The following ZNF609 variants were observed in gnomAD, a reference collection of about 807,000 sequenced individuals.
ZNF609 encodes the protein zinc finger protein 609.
ZNF609 carries 11 observed loss-of-function variants against 109.5 expected under a neutral mutation model. The ratio of observed to expected loss-of-function variants is 0.10; its 90% CI spans 0.06 to 0.17. The LOEUF is 0.17. ZNF609 is among the 10% of genes least tolerant of loss of function. The probability of loss-of-function intolerance (pLI) is 1.00; values close to 1 mark genes in which losing one functional copy is unlikely to be tolerated. For synonymous variants in ZNF609, 646 were observed against 662.0 expected (o/e 0.98, Z 0.37); for missense variants, 1,559 against 1,772.4 (o/e 0.88, Z 2.16).
At chr15:64,573,443 C>T (rs1894896743) in intron 2 of ZNF609, among the ~76,000 whole-genome samples, 1 of 149,866 alleles carries the variant, frequency 6.7e-6, no homozygotes, top group Non-Finnish European at 1.5e-5. Flanking sequence ...CAAGCTCCGC[C>T]TGCCGGGTTC....
At chr15:64,601,949 A>C (rs1895504154) in intron 2 of ZNF609, among the ~76,000 whole-genome samples, 1 of 152,192 alleles carries the variant, frequency 6.6e-6, no homozygotes. Flanking sequence ...TCACTTAATA[A>C]CTAGGTAATT....
intron 2 of ZNF609, among the ~76,000 whole-genome samples, chr15:64,506,566 C>A (rs1476298702): frequency 3.3e-5 from 5 of 151,172 alleles, no homozygotes; most frequent in African/African-American, 9.7e-5. Flanking sequence ...ACTAAAAATA[C>A]AAAATTAGTC....
chr15:64,508,406 A>C (rs1228969068), intron 2 of ZNF609, among the ~76,000 whole-genome samples: 1 of 152,144 alleles, frequency 6.6e-6, no homozygotes, highest in African/African-American at 2.4e-5. Flanking sequence ...TAGTGGTGCC[A>C]TTGAAGCCTT....
intron 3 of ZNF609, among the ~76,000 whole-genome samples, chr15:64,642,381 C>A (rs1039296254): frequency 6.6e-6 from 1 of 151,966 alleles, no homozygotes; most frequent in Non-Finnish European, 1.5e-5. Flanking sequence ...GACTAGGTCT[C>A]GCTGTGTTGA....
intron 2 of ZNF609, among the ~76,000 whole-genome samples, chr15:64,592,330 A>T (rs1455565606): frequency 5.9e-5 from 9 of 152,216 alleles, no homozygotes; most frequent in Non-Finnish European, 8.8e-5. Context: ...TAATCCCAGC[A>T]CTTTGGGAGG....
chr15:64,583,159 A>C (rs1172290712), intron 2 of ZNF609, among the ~76,000 whole-genome samples: 2 of 151,392 alleles, frequency 1.3e-5, no homozygotes, highest in African/African-American at 4.9e-5. Context: ...CAGCCTCCAG[A>C]GTAGCTGGGA....
At chr15:64,665,630 C>T (rs1896635623) in intron 3 of ZNF609, among the ~76,000 whole-genome samples, 1 of 152,158 alleles carries the variant, frequency 6.6e-6, no homozygotes, top group Non-Finnish European at 1.5e-5. Context: ...AACAAATGGG[C>T]CGGGCCCGGT....
chr15:64,497,453 T>C (rs1207036756), intron 1 of ZNF609, among the ~76,000 whole-genome samples: 2 of 152,210 alleles, frequency 1.3e-5, no homozygotes, highest in Non-Finnish European at 2.9e-5. Context: ...ACCCTAGTTC[T>C]TTGACATTGC....
chr15:64,504,821 A>G (rs1048543991), intron 2 of ZNF609, among the ~76,000 whole-genome samples: 2 of 151,966 alleles, frequency 1.3e-5, no homozygotes, highest in South Asian at 2.1e-4. Flanking sequence ...TATGTTGCCA[A>G]TGCTGATCTT....
chr15:64,615,459 A>C (rs538554953), intron 2 of ZNF609, among the ~76,000 whole-genome samples: 1 of 151,414 alleles, frequency 6.6e-6, no homozygotes, highest in East Asian at 1.9e-4. Flanking sequence ...CGTCTTATCA[A>C]CATAATGTTT....
At chr15:64,557,166 ATGTAATTCTT>A (rs1429975328) in intron 2 of ZNF609, among the ~76,000 whole-genome samples, 6 of 146,534 alleles carry the variant, frequency 4.1e-5, no homozygotes, top group African/African-American at 1.5e-4. Context: ...CAAACCTGAA[ATGTAATTCTT>A]TTTTCTTATT....
At chr15:64,575,561 T>C (rs1894937451) in intron 2 of ZNF609, among the ~76,000 whole-genome samples, 1 of 152,194 alleles carries the variant, frequency 6.6e-6, no homozygotes, top group African/African-American at 2.4e-5. Flanking sequence ...TCTGTTTTCT[T>C]AGGGAGGTCA....
At chr15:64,652,545 C>T (rs904410876) in intron 3 of ZNF609, among the ~76,000 whole-genome samples, 4 of 151,940 alleles carry the variant, frequency 2.6e-5, no homozygotes, top group South Asian at 2.1e-4. Context: ...TACCACCACA[C>T]GTGACTAATT....
At chr15:64,578,958 G>T (rs1212260943) in intron 2 of ZNF609, among the ~76,000 whole-genome samples, 1 of 151,822 alleles carries the variant, frequency 6.6e-6, no homozygotes, top group East Asian at 1.9e-4. Flanking sequence ...GCTTTGATAG[G>T]GCCACTATAT....
At chr15:64,540,393 G>C (rs1391921693) in intron 2 of ZNF609, among the ~76,000 whole-genome samples, 1 of 151,972 alleles carries the variant, frequency 6.6e-6, no homozygotes, top group South Asian at 2.1e-4. Context: ...GTTTTTTTGT[G>C]TGTTTTGTTT....
chr15:64,662,415 T>G (rs957107891), intron 3 of ZNF609, among the ~76,000 whole-genome samples: 4 of 152,134 alleles, frequency 2.6e-5, no homozygotes, highest in Admixed American at 2.0e-4. Context: ...AGCCTAGATC[T>G]CCCGGGCTCA....
At chr15:64,677,695 G>T (rs1009987613) in intron 5 of ZNF609, among the ~76,000 whole-genome samples, 3 of 152,160 alleles carry the variant, frequency 2.0e-5, no homozygotes, top group South Asian at 4.1e-4. Flanking sequence ...TGGTATAATA[G>T]TTATGCTTCC....
At chr15:64,584,013 C>T (rs1035135453) in intron 2 of ZNF609, among the ~76,000 whole-genome samples, 3 of 152,204 alleles carry the variant, frequency 2.0e-5, no homozygotes, top group Non-Finnish European at 4.4e-5. Context: ...ATGGTTTTCA[C>T]ATCTCTTGTC....
chr15:64,605,902 C>CTTTTTTTTTTTTT (rs10542161), intron 2 of ZNF609, among the ~76,000 whole-genome samples: 1 of 70,688 alleles, frequency 1.4e-5, no homozygotes, highest in Non-Finnish European at 2.4e-5. Flanking sequence ...CCCGGCTAAT[C>CTTTTTTTTTTTTT]TTTTTTTTTT....
Sources: allele counts gnomAD v4.1 joint callset (sites outside exome capture counted in the v4.1 genomes callset), GRCh38; gene constraint gnomAD v4.1.1; transcripts MANE v1.5; gene names NCBI Gene and HGNC (gene_info 2026-07-23, HGNC 2026-07-21).